CAMK1D: variants seen among roughly 807,000 people sequenced by gnomAD.
CAMK1D encodes calcium/calmodulin dependent protein kinase ID.
Under a neutral mutation model 47.7 loss-of-function variants are expected in CAMK1D, and 9 were observed. The ratio of observed to expected loss-of-function variants is 0.19; its 90% CI spans 0.11 to 0.33. The LOEUF (loss-of-function observed/expected upper bound fraction) is 0.33, where lower values mean the gene tolerates loss of function less well. Ranked by LOEUF, CAMK1D falls within the 10% of genes least tolerant of loss-of-function variation. CAMK1D has a pLI of 1.00. For synonymous variants in CAMK1D, 184 were observed against 184.9 expected (o/e 0.99, Z 0.04); for missense variants, 291 against 488.7 (o/e 0.60, Z 3.81).
At chr10:12,350,778 C>T (rs1472833934) in intron 1 of CAMK1D, among the ~76,000 whole-genome samples, 1 of 152,208 alleles carries the variant, frequency 6.6e-6, no homozygotes, top group Non-Finnish European at 1.5e-5. Flanking sequence ...GAATCAGGAC[C>T]TGCCGAATGA....
chr10:12,555,179 G>A (rs1836722807), intron 2 of CAMK1D, among the ~76,000 whole-genome samples: 1 of 152,112 alleles, frequency 6.6e-6, no homozygotes, highest in Non-Finnish European at 1.5e-5. Flanking sequence ...AAAATGTCAC[G>A]CTCCTCACAT....
intron 10 of CAMK1D, among the ~76,000 whole-genome samples, chr10:12,827,598 CTGCCT>C (rs1303588618): frequency 3.4e-5 from 5 of 145,514 alleles, no homozygotes; most frequent in South Asian, 2.3e-4. Flanking sequence ...CTGCCTTGCC[CTGCCT>C]TCCCCTCCCC....
At chr10:12,624,487 G>A (rs1839144872) in intron 2 of CAMK1D, among the ~76,000 whole-genome samples, 1 of 152,166 alleles carries the variant, frequency 6.6e-6, no homozygotes, top group Non-Finnish European at 1.5e-5. Context: ...TGCGTAAGTG[G>A]AGTCATGCAG....
chr10:12,455,328 C>T (rs1833208500), intron 1 of CAMK1D, among the ~76,000 whole-genome samples: 1 of 152,182 alleles, frequency 6.6e-6, no homozygotes, highest in Non-Finnish European at 1.5e-5. Flanking sequence ...TGCACCACCA[C>T]ACCCAGCTAA....
chr10:12,512,661 GC>G (rs1299553431), intron 1 of CAMK1D, among the ~76,000 whole-genome samples: 1 of 152,176 alleles, frequency 6.6e-6, no homozygotes, highest in Non-Finnish European at 1.5e-5. Flanking sequence ...ATTTCCAGGT[GC>G]CCCTTTGTAG....
At chr10:12,825,450 A>C in intron 9 of CAMK1D, 123 bp from the exon 10 acceptor site, 1 of 870,882 alleles carries the variant, frequency 1.1e-6, no homozygotes, top group Non-Finnish European at 1.7e-6. Context: ...CTTCTTGAGT[A>C]GCATGAGAAT....
At chr10:12,682,467 T>C (rs1832481859) in intron 3 of CAMK1D, among the ~76,000 whole-genome samples, 1 of 152,234 alleles carries the variant, frequency 6.6e-6, no homozygotes, top group South Asian at 2.1e-4. Flanking sequence ...TAATCATACC[T>C]ATAAAAATAT....
chr10:12,364,239 T>C (rs1352688484), intron 1 of CAMK1D, among the ~76,000 whole-genome samples: 105 of 6,406 alleles, frequency 0.016, no homozygotes, highest in African/African-American at 0.039. Flanking sequence ...CGCATTCTCT[T>C]TTTTTTTTTT....
At chr10:12,751,681 G>A (rs1257422757) in intron 3 of CAMK1D, among the ~76,000 whole-genome samples, 1 of 152,192 alleles carries the variant, frequency 6.6e-6, no homozygotes, top group East Asian at 1.9e-4. Flanking sequence ...GGTCAGGAAA[G>A]GCATATCTGT....
At chr10:12,545,969 CAT>C (rs752492962) in intron 1 of CAMK1D, among the ~76,000 whole-genome samples, 1 of 152,064 alleles carries the variant, frequency 6.6e-6, no homozygotes, top group Admixed American at 6.6e-5. Context: ...GTTGAGCTGA[CAT>C]GTGTACGGCG....
At chr10:12,557,956 A>T (rs1297768967) in intron 2 of CAMK1D, among the ~76,000 whole-genome samples, 1 of 152,242 alleles carries the variant, frequency 6.6e-6, no homozygotes, top group Non-Finnish European at 1.5e-5. Flanking sequence ...AAATTGTTTC[A>T]AAATGAATTT....
rs542317780 is a variant in CAMK1D, at chr10:12,505,788, C to A, written c.93-47437C>A. On this transcript the variant is annotated intron_variant, in intron 1 of 10. Transcript: ENST00000619168. ...TTAGGGCCAGGACTTGATGCTCTAGCGTGTACCAGATGCTAAAGAAGCCAA... is the reference window on the plus strand; with the variant it reads ...TTAGGGCCAGGACTTGATGCTCTAGAGTGTACCAGATGCTAAAGAAGCCAA... 3.4e-4 allele frequency among the ~76,000 whole-genome samples: 51 copies of A among 152,230 alleles called. No homozygotes were observed. In the South Asian group the frequency reaches 7.5e-3, roughly 22 times the overall value.
intron 1 of CAMK1D, among the ~76,000 whole-genome samples, chr10:12,502,536 A>G (rs542892267): frequency 1.3e-5 from 2 of 152,286 alleles, no homozygotes; most frequent in African/African-American, 4.8e-5. Flanking sequence ...CGCAAGGCAG[A>G]CACCATCATT....
At chr10:12,464,278 C>T (rs1339673277) in intron 1 of CAMK1D, among the ~76,000 whole-genome samples, 1 of 152,118 alleles carries the variant, frequency 6.6e-6, no homozygotes, top group Non-Finnish European at 1.5e-5. Context: ...GTGGGTCTTC[C>T]ATCAGTTGGT....
chr10:12,758,139 C>T (rs536124515), intron 3 of CAMK1D, among the ~76,000 whole-genome samples: 2 of 152,060 alleles, frequency 1.3e-5, no homozygotes, highest in African/African-American at 4.8e-5. Flanking sequence ...CATGAGCCAC[C>T]ACACCCGGCT....
intron 3 of CAMK1D, among the ~76,000 whole-genome samples, chr10:12,711,616 A>G (rs1421493165): frequency 6.6e-6 from 1 of 152,174 alleles, no homozygotes; most frequent in Admixed American, 6.6e-5. Context: ...AGTGCCAGGT[A>G]AAATATTCTG....
intron 1 of CAMK1D, among the ~76,000 whole-genome samples, chr10:12,389,698 T>G (rs982338366): frequency 6.6e-6 from 1 of 152,124 alleles, no homozygotes; most frequent in African/African-American, 2.4e-5. Context: ...GGCCGTGAGT[T>G]TGAAAGTTGT....
At chr10:12,638,979 A>G (rs1166424306) in intron 2 of CAMK1D, among the ~76,000 whole-genome samples, 5 of 152,084 alleles carry the variant, frequency 3.3e-5, no homozygotes, top group African/African-American at 1.2e-4. Flanking sequence ...TCCTCTTGGA[A>G]TGTCGTCTTC....
chr10:12,821,049 T>G (rs1002207927), intron 8 of CAMK1D, among the ~76,000 whole-genome samples: 3 of 152,212 alleles, frequency 2.0e-5, no homozygotes, highest in African/African-American at 7.2e-5. Context: ...TAAGCCTGTT[T>G]CCTGCAATTG....
Sources: gnomAD v4.1 joint callset for allele counts (sites outside exome capture counted in the v4.1 genomes callset) on GRCh38, gnomAD v4.1.1 for gene constraint, MANE v1.5 for transcripts, NCBI Gene and HGNC (gene_info 2026-07-23, HGNC 2026-07-21) for gene names.